CSMD1: variants seen among roughly 807,000 people sequenced by gnomAD.
CSMD1 encodes CUB and sushi domain-containing protein 1.
Under a neutral mutation model 417.5 loss-of-function variants are expected in CSMD1, and 213 were observed. That is an observed-to-expected ratio of 0.51 (90% CI 0.46 to 0.57). The LOEUF (loss-of-function observed/expected upper bound fraction) is 0.57. CSMD1 is among the 20% of genes least tolerant of loss of function. CSMD1 has a pLI of 0.00. For synonymous variants in CSMD1, 2,862 were observed against 1,736.8 expected (o/e 1.65, Z -16.11); for missense variants, 6,923 against 4,529.7 (o/e 1.53, Z -15.17).
At chr8:3,234,782 C>G (rs1418006989) in intron 26 of CSMD1, among the ~76,000 whole-genome samples, 2 of 152,192 alleles carry the variant, frequency 1.3e-5, no homozygotes, top group African/African-American at 2.4e-5. Flanking sequence ...AATACAATCA[C>G]CAGAATCACA....
At chr8:4,281,244 G>C (rs766935874) in intron 3 of CSMD1, among the ~76,000 whole-genome samples, 2 of 152,132 alleles carry the variant, frequency 1.3e-5, no homozygotes, top group Admixed American at 6.6e-5. Flanking sequence ...TATGATCTCA[G>C]GGAATTAAAA....
chr8:4,138,895 C>G (rs1647359), intron 3 of CSMD1, among the ~76,000 whole-genome samples: 152,144 of 152,254 alleles, frequency 1, 76,017 homozygotes, highest in Middle Eastern at 1. Flanking sequence ...ATATTTAATA[C>G]AAATAATTTA....
intron 5 of CSMD1, among the ~76,000 whole-genome samples, chr8:3,779,822 A>T (rs1483994156): frequency 1.3e-5 from 2 of 152,230 alleles, no homozygotes; most frequent in Non-Finnish European, 2.9e-5. Flanking sequence ...AGACATATTT[A>T]ATAGGGACAG....
At chr8:3,291,336 C>G in intron 25 of CSMD1, among the ~76,000 whole-genome samples, 2 of 134,084 alleles carry the variant, frequency 1.5e-5, no homozygotes, top group South Asian at 5.3e-4. Flanking sequence ...GATGCTGGCC[C>G]CATAAAATAA....
At chr8:3,619,197 A>G (rs1802295660) in intron 7 of CSMD1, among the ~76,000 whole-genome samples, 1 of 152,164 alleles carries the variant, frequency 6.6e-6, no homozygotes, top group South Asian at 2.1e-4. Context: ...AAAAAAATAA[A>G]AACAAAAATA....
chr8:3,277,356 C>T (rs1050171290), intron 26 of CSMD1, among the ~76,000 whole-genome samples: 1 of 152,036 alleles, frequency 6.6e-6, no homozygotes, highest in Non-Finnish European at 1.5e-5. Flanking sequence ...CGCAGGTGGG[C>T]CAGAAAGTAC....
chr8:4,353,295 T>G (rs930779141), intron 3 of CSMD1, among the ~76,000 whole-genome samples: 1 of 152,066 alleles, frequency 6.6e-6, no homozygotes, highest in Non-Finnish European at 1.5e-5. Context: ...AAGGGGAGTT[T>G]CCTTCACAAG....
At chr8:3,635,791 C>T (rs1174051386) in intron 7 of CSMD1, among the ~76,000 whole-genome samples, 1 of 91,196 alleles carries the variant, frequency 1.1e-5, no homozygotes, top group East Asian at 2.9e-4. Flanking sequence ...CTGCTTCCAT[C>T]TCAAAAAAAA....
At chr8:4,058,216 G>C (rs563039055) in intron 3 of CSMD1, among the ~76,000 whole-genome samples, 2 of 152,174 alleles carry the variant, frequency 1.3e-5, no homozygotes, top group Admixed American at 6.5e-5. Flanking sequence ...TCATTGAGCA[G>C]TGGTTTGTAG....
chr8:3,470,704 C>T (rs1046582608), intron 11 of CSMD1, among the ~76,000 whole-genome samples: 1 of 152,042 alleles, frequency 6.6e-6, no homozygotes, highest in African/African-American at 2.4e-5. Context: ...TGTCCCTAAC[C>T]CCTGGCAACC....
chr8:4,889,699 A>C (rs1314055862), intron 1 of CSMD1, among the ~76,000 whole-genome samples: 3 of 152,142 alleles, frequency 2.0e-5, no homozygotes, highest in Admixed American at 1.3e-4. Context: ...AGTAAAGGTA[A>C]TTAAAAGCAA....
At chr8:4,141,576 C>A (rs140952631) in intron 3 of CSMD1, among the ~76,000 whole-genome samples, 2 of 151,078 alleles carry the variant, frequency 1.3e-5, no homozygotes, top group African/African-American at 2.5e-5. Flanking sequence ...CTGTACAGAA[C>A]GAGTAACTGT....
chr8:4,669,541 G>C (rs1400591289), intron 1 of CSMD1, among the ~76,000 whole-genome samples: 2 of 152,104 alleles, frequency 1.3e-5, no homozygotes, highest in Non-Finnish European at 2.9e-5. Context: ...ATATCAATGA[G>C]AATTTTCAGA....
chr8:4,856,361 C>T (rs371502654), intron 1 of CSMD1, among the ~76,000 whole-genome samples: 11 of 144,612 alleles, frequency 7.6e-5, no homozygotes, highest in East Asian at 2.0e-4. Context: ...CATCAACTAA[C>T]GAGCAAAATA....
In CSMD1 at chr8:3,187,925, G is replaced by C. The variant is rs1563124642; in HGVS notation, c.5564C>G (p.Ser1855Cys). 1 of 1,613,430 alleles carries C rather than the reference G, an allele frequency of 6.2e-7. No individual in the cohort carries two copies. Among genetic ancestry groups the C allele is most frequent in the Admixed American group, 1.7e-5 (1 of 59,958 alleles). The change falls in exon 36 of 70, where the codon TCC becomes TGC. Residue 1855 changes from serine (S) to cysteine (C), a missense_variant. Transcript: ENST00000635120. ...ATCCCCACCATCGTGGATCTCAAGG[G>C]AGTCCCAGTTCTGCTCCGTGGCAAA... ...ISFATEQNWD[S>C]LEIHDGGDVT...
chr8:4,231,652 T>C (rs914853702), intron 3 of CSMD1, among the ~76,000 whole-genome samples: 2 of 152,326 alleles, frequency 1.3e-5, no homozygotes, highest in South Asian at 4.1e-4. Context: ...CTCTGTCTGA[T>C]AAGTAGGCTA....
Position 3,412,036 on chromosome 8 carries a change from A to G in CSMD1, c.1562-2431T>C, listed in dbSNP as rs1229618254. Among the ~76,000 whole-genome samples, 6 of 87,342 alleles carry G rather than the reference A, an allele frequency of 6.9e-5. 2 individuals are homozygous for G. The highest frequency in any genetic ancestry group is 3.0e-4 in the African/African-American group (6 of 20,202). The allele number at this position is 87,342 out of a possible 152,430, so 57.3% of individuals were successfully genotyped here. ...TATACATATACACACGTATATATAC[A>G]CATATATACACGTATATATACACAC... is the stretch of plus-strand genomic sequence containing the variant. On this transcript the variant is annotated intron_variant, in intron 12 of 69. Transcript: ENST00000635120.
intron 9 of CSMD1, among the ~76,000 whole-genome samples, chr8:3,575,371 C>T (rs1362369977): frequency 6.6e-6 from 1 of 152,078 alleles, no homozygotes; most frequent in East Asian, 1.9e-4. Context: ...CAAAGTAGCC[C>T]ATTTCAAATC....
intron 5 of CSMD1, among the ~76,000 whole-genome samples, chr8:3,946,069 A>C (rs970947723): frequency 2.0e-5 from 3 of 152,152 alleles, no homozygotes; most frequent in Non-Finnish European, 2.9e-5. Context: ...TACTAACGTA[A>C]AGTGTAATGG....
Sources: gnomAD v4.1 joint callset for allele counts (sites outside exome capture counted in the v4.1 genomes callset) on GRCh38, gnomAD v4.1.1 for gene constraint, MANE v1.5 for transcripts, NCBI Gene and HGNC (gene_info 2026-07-23, HGNC 2026-07-21) for gene names.